Variants in LCLAT1 observed in about 807,000 individuals in gnomAD.
LCLAT1 encodes 1-AGP acyltransferase 8.
In LCLAT1, 11 loss-of-function variants were observed where a neutral mutation model predicts 30.7. The ratio of observed to expected loss-of-function variants is 0.36; its 90% confidence interval spans 0.23 to 0.59. The LOEUF is 0.59. Ranked by LOEUF, LCLAT1 falls within the 20% of genes least tolerant of loss-of-function variation. The pLI is 0.77. For synonymous variants in LCLAT1, 155 were observed against 151.3 expected, an observed-to-expected ratio of 1.02 and a Z score of -0.18; for missense variants, 402 against 458.6, an observed-to-expected ratio of 0.88 and a Z score of 1.13.
chr2:30,463,405 GTCAT>G (rs1225607474), intron 1 of LCLAT1, among the ~76,000 whole-genome samples: 1 of 152,022 alleles, frequency 6.6e-6, no homozygotes, highest in Non-Finnish European at 1.5e-5. Flanking sequence ...TAAAAACAGA[GTCAT>G]TCATTATTTT....
chr2:30,590,541 A>G (rs573729921), intron 5 of LCLAT1, among the ~76,000 whole-genome samples: 63 of 148,182 alleles, frequency 4.3e-4, no homozygotes, highest in African/African-American at 1.5e-3. Context: ...TATTATATGT[A>G]TATCTATTAT....
At chr2:30,510,721 C>T (rs1419114485) in intron 1 of LCLAT1, among the ~76,000 whole-genome samples, 1 of 152,070 alleles carries the variant, frequency 6.6e-6, no homozygotes, top group African/African-American at 2.4e-5. Flanking sequence ...TATGGGACCT[C>T]GTGTCTTGGC....
At chr2:30,504,240 A>T (rs140193741) in intron 1 of LCLAT1, among the ~76,000 whole-genome samples, 17 of 151,908 alleles carry the variant, frequency 1.1e-4, no homozygotes, top group Admixed American at 4.6e-4. Flanking sequence ...ACATATATTT[A>T]TGGGCTCATA....
intron 1 of LCLAT1, among the ~76,000 whole-genome samples, chr2:30,520,125 AC>A (rs1203896473): frequency 6.6e-6 from 1 of 152,160 alleles, no homozygotes; most frequent in Non-Finnish European, 1.5e-5. Flanking sequence ...TGTAACACTC[AC>A]CGCATGGCCC....
At position 30,479,782 on chromosome 2, in the gene LCLAT1, A is replaced by G. The variant is rs1252698922; in HGVS notation, c.-5+32399A>G. On this transcript the variant is annotated intron_variant, in intron 1 of 5. Coordinates refer to ENST00000379509, the MANE Select transcript of LCLAT1 (RefSeq NM_001002257.3). ...TTTACTGAACACTACAGTTTTAAGA[A>G]GGCTGAAAGTATGTACCAAAACGAA... Among the ~76,000 whole-genome samples the G allele has an allele frequency of 2.6e-5, 4 of 152,224 alleles. No homozygotes were observed. The East Asian group carries it at 7.7e-4, about 29-fold the overall frequency.
At chr2:30,542,428 T>C (rs1664184678) in intron 3 of LCLAT1, among the ~76,000 whole-genome samples, 1 of 152,172 alleles carries the variant, frequency 6.6e-6, no homozygotes, top group African/African-American at 2.4e-5. Context: ...TTAAAAAGTC[T>C]ACCCACTATC....
chr2:30,502,311 G>A (rs1312404705), intron 1 of LCLAT1, among the ~76,000 whole-genome samples: 1 of 152,150 alleles, frequency 6.6e-6, no homozygotes, highest in Non-Finnish European at 1.5e-5. Flanking sequence ...CAGGGCAGAA[G>A]TGGTTAGTTA....
rs1232867770 is a variant in LCLAT1 at position 30,643,125 on chromosome 2, TG to T, written c.*2507del. 2 of 29,378 alleles carry T rather than the reference TG, an allele frequency of 6.8e-5. No homozygotes were observed. The highest frequency in any genetic ancestry group is 4.3e-4 in the African/African-American group (2 of 4,624). The allele number at this position is 29,378 out of a possible 1,614,324, so 1.8% of individuals were successfully genotyped here. On this transcript the variant is annotated 3_prime_UTR_variant, in exon 6 of 6. Coordinates refer to ENST00000379509, the MANE Select transcript of LCLAT1 (RefSeq NM_001002257.3). The stretch of plus-strand genomic sequence containing the variant: ...TCCACACCTGCCCACCTCACCTCAC[TG>T]CACCGCACCGCACCAGAGCCAGAGC...
intron 3 of LCLAT1, among the ~76,000 whole-genome samples, chr2:30,556,995 C>T (rs1204752658): frequency 1.3e-5 from 2 of 152,120 alleles, no homozygotes; most frequent in East Asian, 1.9e-4. Context: ...CCGCCTGCGT[C>T]GGCCTCCCAA....
At chr2:30,605,639 TAA>T (rs1488158983) in intron 5 of LCLAT1, among the ~76,000 whole-genome samples, 32 of 152,170 alleles carry the variant, frequency 2.1e-4, no homozygotes, top group South Asian at 2.1e-4. Context: ...TAATTCTCAC[TAA>T]GAGTGAAATA....
intron 5 of LCLAT1, among the ~76,000 whole-genome samples, chr2:30,584,935 T>G (rs1179377552): frequency 8.6e-6 from 1 of 116,478 alleles, no homozygotes; most frequent in Non-Finnish European, 1.7e-5. Context: ...GGAACCAATA[T>G]TACTATATTT....
intron 3 of LCLAT1, among the ~76,000 whole-genome samples, chr2:30,550,810 A>C (rs565197577): frequency 1.3e-5 from 2 of 152,214 alleles, no homozygotes; most frequent in East Asian, 3.9e-4. Flanking sequence ...CAGACTATTT[A>C]TATATATTAT....
chr2:30,480,944 C>A (rs994802440), intron 1 of LCLAT1, among the ~76,000 whole-genome samples: 2 of 152,130 alleles, frequency 1.3e-5, no homozygotes, highest in Admixed American at 6.5e-5. Context: ...GAGCCATAAA[C>A]GAAGCACTCA....
intron 5 of LCLAT1, among the ~76,000 whole-genome samples, chr2:30,592,739 G>T (rs1312042905): frequency 6.6e-6 from 1 of 152,018 alleles, no homozygotes; most frequent in East Asian, 1.9e-4. Context: ...ATTAAAGTAG[G>T]TCCAATAGGA....
chr2:30,517,577 A>G (rs1195826651), intron 1 of LCLAT1, among the ~76,000 whole-genome samples: 1 of 152,224 alleles, frequency 6.6e-6, no homozygotes, highest in Non-Finnish European at 1.5e-5. Context: ...ACAACAACAT[A>G]ATAGATCAGG....
chr2:30,523,613 T>G (rs545507407), intron 1 of LCLAT1, among the ~76,000 whole-genome samples: 1 of 152,370 alleles, frequency 6.6e-6, no homozygotes, highest in African/African-American at 2.4e-5. Flanking sequence ...CTTACGCCTG[T>G]AATCCCAGCA....
chr2:30,496,686 A>G lies in LCLAT1; in HGVS notation c.-4-28901A>G, dbSNP rs75751254. 1.9e-3 allele frequency among the ~76,000 whole-genome samples: 286 copies of G among 152,178 alleles called. 1 individual carries two copies. Among genetic ancestry groups the G allele is most frequent in the African/African-American group, 6.8e-3 (280 of 41,426 alleles). On this transcript the variant is annotated intron_variant, in intron 1 of 5. Transcript: ENST00000379509. ...GCAATGGATTAGTGTTAAGCCTAGC[A>G]TCCTCCCTCTCTAGAGTTATAAAGA...
chr2:30,604,151 T>A (rs1411910673), intron 5 of LCLAT1, among the ~76,000 whole-genome samples: 1 of 152,132 alleles, frequency 6.6e-6, no homozygotes, highest in Non-Finnish European at 1.5e-5. Flanking sequence ...AGAGAGCAGA[T>A]GTAATGAGTG....
chr2:30,598,517 G>A (rs748222778), intron 5 of LCLAT1, among the ~76,000 whole-genome samples: 23 of 150,784 alleles, frequency 1.5e-4, no homozygotes, highest in African/African-American at 2.2e-4. Flanking sequence ...TTTGTATTGC[G>A]TCTATTTGAT....
Sources: allele counts gnomAD v4.1 joint callset (sites outside exome capture counted in the v4.1 genomes callset), GRCh38; gene constraint gnomAD v4.1.1; transcripts MANE v1.5; gene names NCBI Gene and HGNC (gene_info 2026-07-23, HGNC 2026-07-21).